Variants in GPR137C observed in about 807,000 individuals in gnomAD.
The protein encoded by GPR137C is integral membrane protein GPR137C.
In GPR137C, 27 loss-of-function variants were observed where a neutral mutation model predicts 43.4. The ratio of observed to expected loss-of-function variants is 0.62; its 90% CI spans 0.46 to 0.86. GPR137C has a LOEUF of 0.86. GPR137C is among the 40% of genes least tolerant of loss of function. The probability of loss-of-function intolerance (pLI) is 0.00; values close to 1 mark genes in which losing one functional copy is unlikely to be tolerated. For synonymous variants in GPR137C, 285 were observed against 226.9 expected (o/e 1.26, Z -2.30); for missense variants, 522 against 534.6 (o/e 0.98, Z 0.23).
chr14:52,628,773 A>G lies in GPR137C; in HGVS notation c.718-3387A>G, dbSNP rs549073301. 3.9e-5 allele frequency among the ~76,000 whole-genome samples: 6 copies of G among 152,298 alleles called. No individual in the cohort carries two copies. In the South Asian group the frequency reaches 1.2e-3, roughly 32 times the overall value. On this transcript the variant is annotated intron_variant, in intron 3 of 6. Transcript: ENST00000321662. ...ATTGCACCACTGCACTCCAGCCTGGATGACAGAGGGAGACTGTCTCAAAAA... is the reference window on the plus strand; with the variant it reads ...ATTGCACCACTGCACTCCAGCCTGGGTGACAGAGGGAGACTGTCTCAAAAA...
intron 1 of GPR137C, among the ~76,000 whole-genome samples, chr14:52,575,770 A>G (rs1201828545): frequency 6.6e-6 from 1 of 152,188 alleles, no homozygotes; most frequent in African/African-American, 2.4e-5. Flanking sequence ...ATCCTATTCA[A>G]TTTCCCGTGT....
intron 1 of GPR137C, among the ~76,000 whole-genome samples, chr14:52,569,552 G>A (rs1003800936): frequency 6.6e-6 from 1 of 151,908 alleles, no homozygotes; most frequent in Admixed American, 6.6e-5. Context: ...TTGAAAAAAG[G>A]TTAGAGGAAT....
chr14:52,556,565 C>T (rs117480294), intron 1 of GPR137C, among the ~76,000 whole-genome samples: 3 of 151,658 alleles, frequency 2.0e-5, no homozygotes, highest in Non-Finnish European at 2.9e-5. Context: ...TCTAAAAACA[C>T]ATTTTGAACT....
chr14:52,633,787 A>G (rs891848059), intron 5 of GPR137C, 41 bp from the exon 6 acceptor site: 1 of 1,539,748 alleles, frequency 6.5e-7, no homozygotes, highest in African/African-American at 1.4e-5. Flanking sequence ...TCTTAGTGGA[A>G]AAGTAAAACC....
chr14:52,567,649 CTTTT>C (rs75250866), intron 1 of GPR137C, among the ~76,000 whole-genome samples: 2 of 133,120 alleles, frequency 1.5e-5, no homozygotes, highest in Non-Finnish European at 1.6e-5. Flanking sequence ...TCAGATTGTT[CTTTT>C]TTTTTTTGGT....
Position 52,637,204 on chromosome 14 carries a change from C to G in GPR137C, c.*2089C>G, listed in dbSNP as rs1330669864. ...CATTTGTCTCCTTATACACATCTAA[C>G]ATATCACCAAAGACAAATAAAGATA... On this transcript the variant is annotated 3_prime_UTR_variant, in exon 7 of 7. Coordinates refer to ENST00000321662, the MANE Select transcript of GPR137C (RefSeq NM_001099652.2). 1 of 152,120 alleles carries G rather than the reference C, an allele frequency of 6.6e-6. No homozygotes were observed. Among genetic ancestry groups the G allele is most frequent in the East Asian group, 1.9e-4 (1 of 5,194 alleles). 9.4% of individuals were successfully genotyped at this position (152,120 alleles called of 1,614,324 possible).
chr14:52,632,025 T>C, intron 3 of GPR137C, 135 bp from the exon 4 acceptor site: 1 of 563,958 alleles, frequency 1.8e-6, no homozygotes, highest in Non-Finnish European at 3.1e-6. Flanking sequence ...AGCAAGATAA[T>C]CAAGAGTTTA....
intron 1 of GPR137C, among the ~76,000 whole-genome samples, chr14:52,573,679 CA>C (rs1416984219): frequency 6.6e-6 from 1 of 151,968 alleles, no homozygotes; most frequent in Non-Finnish European, 1.5e-5. Flanking sequence ...ACTTTATGAC[CA>C]AAACACCAAA....
chr14:52,573,645 T>G (rs1387221368), intron 1 of GPR137C, among the ~76,000 whole-genome samples: 2 of 152,088 alleles, frequency 1.3e-5, no homozygotes, highest in East Asian at 3.8e-4. Context: ...GGCAATACCA[T>G]TCAGGACATA....
At chr14:52,617,360 TAGAG>T (rs987782864) in intron 3 of GPR137C, among the ~76,000 whole-genome samples, 3 of 151,942 alleles carry the variant, frequency 2.0e-5, no homozygotes, top group Non-Finnish European at 4.4e-5. Context: ...GGAAAGGCCT[TAGAG>T]AGAGTGTATT....
intron 1 of GPR137C, among the ~76,000 whole-genome samples, chr14:52,556,982 T>G (rs536640320): frequency 1.3e-5 from 2 of 152,178 alleles, no homozygotes; most frequent in Non-Finnish European, 2.9e-5. Context: ...ATTCAAAATC[T>G]TAACTCTTAC....
rs2039339171 is a variant in GPR137C at position 52,635,157 on chromosome 14, T to C, written c.*42T>C. The stretch of plus-strand genomic sequence containing the variant: ...TGATTCTTGAGTTGTTTTTCATAAA[T>C]GTGTATATTCAATGTGTTTAAATTC... On this transcript the variant is annotated 3_prime_UTR_variant, in exon 7 of 7. Transcript: ENST00000321662. 1.4e-6 allele frequency: 2 copies of C among 1,449,264 alleles called. No individual in the cohort carries two copies. Among genetic ancestry groups the C allele is most frequent in the East Asian group, 2.4e-5 (1 of 41,804 alleles). 89.8% of individuals were successfully genotyped at this position (1,449,264 alleles called of 1,614,324 possible). A position where few individuals can be genotyped will look rare whatever the true frequency, so the allele number is the denominator to read the frequency against.
At chr14:52,624,391 C>T (rs1276986040) in intron 3 of GPR137C, among the ~76,000 whole-genome samples, 1 of 151,940 alleles carries the variant, frequency 6.6e-6, no homozygotes, top group Non-Finnish European at 1.5e-5. Flanking sequence ...TCAAGTTTCT[C>T]CCTTAGAAAT....
chr14:52,606,396 C>CT (rs1208156795), intron 3 of GPR137C, among the ~76,000 whole-genome samples: 5 of 152,006 alleles, frequency 3.3e-5, no homozygotes, highest in South Asian at 2.1e-4. Context: ...TTTTCTTTTT[C>CT]TTTTTTATTT....
At chr14:52,592,259 G>A (rs1352160964) in intron 1 of GPR137C, among the ~76,000 whole-genome samples, 1 of 152,160 alleles carries the variant, frequency 6.6e-6, no homozygotes, top group Non-Finnish European at 1.5e-5. Flanking sequence ...CAGGTACTGT[G>A]ATGCCTCCAG....
intron 3 of GPR137C, among the ~76,000 whole-genome samples, chr14:52,625,875 G>A (rs550927599): frequency 4.6e-5 from 7 of 152,058 alleles, no homozygotes; most frequent in Middle Eastern, 6.8e-3. Context: ...TGTTAGACCA[G>A]GTTTTATGAG....
At chr14:52,624,276 A>G (rs988163901) in intron 3 of GPR137C, among the ~76,000 whole-genome samples, 3 of 151,822 alleles carry the variant, frequency 2.0e-5, no homozygotes, top group African/African-American at 7.2e-5. Context: ...AAGGATAATG[A>G]AATAAAATAT....
At chr14:52,575,425 C>T (rs2038536175) in intron 1 of GPR137C, among the ~76,000 whole-genome samples, 1 of 152,020 alleles carries the variant, frequency 6.6e-6, no homozygotes, top group African/African-American at 2.4e-5. Flanking sequence ...ATAAAAAATA[C>T]TTTTAGTTAA....
intron 1 of GPR137C, among the ~76,000 whole-genome samples, chr14:52,573,536 C>T (rs2038503995): frequency 6.6e-6 from 1 of 152,174 alleles, no homozygotes; most frequent in Non-Finnish European, 1.5e-5. Context: ...AACACTGAAA[C>T]TGGACCCCTT....
Sources: allele counts gnomAD v4.1 joint callset (sites outside exome capture counted in the v4.1 genomes callset), GRCh38; gene constraint gnomAD v4.1.1; transcripts MANE v1.5; gene names NCBI Gene and HGNC (gene_info 2026-07-23, HGNC 2026-07-21).